The following LANCL2 variants were observed in gnomAD, a reference collection of about 807,000 sequenced individuals.
The protein encoded by LANCL2 is LanC like glutathione S-transferase 2, also known as lanC-like protein 2.
A neutral mutation model predicts 56.9 loss-of-function variants in LANCL2; 33 were observed. The observed-to-expected ratio is 0.58, with a 90% CI of 0.44 to 0.78. The LOEUF (loss-of-function observed/expected upper bound fraction) is 0.78, where lower values mean the gene tolerates loss of function less well. Ranked by LOEUF, LANCL2 falls within the 30% of genes least tolerant of loss-of-function variation. LANCL2 has a pLI of 0.00. For synonymous variants in LANCL2, 233 were observed against 228.2 expected (o/e 1.02, Z -0.19); for missense variants, 562 against 580.2 (o/e 0.97, Z 0.32).
Position 55,390,793 on chromosome 7 carries a change from A to G in LANCL2, c.205-1000A>G, listed in dbSNP as rs192036351. ...AAAACTGTCTCAAAAAAAAAAAATCAGCAAAGGTAGGAAAGATCTTAACAA... is the reference window on the plus strand; with the variant it reads ...AAAACTGTCTCAAAAAAAAAAAATCGGCAAAGGTAGGAAAGATCTTAACAA... On this transcript the variant is annotated intron_variant, in intron 1 of 8. Transcript: ENST00000254770. Among the ~76,000 whole-genome samples the G allele has an allele frequency of 3.1e-4, 46 of 150,620 alleles. 1 individual carries two copies. The East Asian group carries it at 8.6e-3, about 28-fold the overall frequency.
In LANCL2 at chr7:55,425,303, T is replaced by A; in HGVS notation, c.1058T>A (p.Val353Glu). 6.2e-7 allele frequency: 1 copy of A among 1,614,156 alleles called. No individual in the cohort carries two copies. The highest frequency in any genetic ancestry group is 1.1e-5 in the South Asian group (1 of 91,072). Reference sequence around the variant, plus strand: ...AAAGAGGCCATGGAGTGTAGCGATGTGATTTGGCAGCGAGGTTTGCTGCGG... The same window carrying A: ...AAAGAGGCCATGGAGTGTAGCGATGAGATTTGGCAGCGAGGTTTGCTGCGG... ...YLKEAMECSD[V>E]IWQRGLLRKG... Residue 353 changes from valine to glutamate, a missense_variant, in exon 7 of 9, where the codon GTG (valine) becomes GAG (glutamate). Around this residue, in one of 2 missense-constraint regions of LANCL2, gnomAD observed 378 missense variants for 468.4 expected, o/e 0.81. Transcript: ENST00000254770.
In LANCL2 at chr7:55,379,333, TTCTG is replaced by T. The variant is rs374402719; in HGVS notation, c.205-12456_205-12453del. 2.2e-4 allele frequency among the ~76,000 whole-genome samples: 33 copies of T among 152,280 alleles called. No homozygotes were observed. The East Asian group carries it at 6.2e-3, about 28-fold the overall frequency. Reference sequence around the variant, plus strand: ...CAGAAGGGGAGAAAAATTAGGGAAGTTCTGTCTTTTTTATCATGAAAAATAAGAA... The same window carrying T: ...CAGAAGGGGAGAAAAATTAGGGAAGTTCTTTTTTATCATGAAAAATAAGAA... On this transcript the variant is annotated intron_variant, in intron 1 of 8. Transcript: ENST00000254770.
chr7:55,399,874 T>C, intron 3 of LANCL2, 83 bp from the exon 4 acceptor site: 1 of 1,066,688 alleles, frequency 9.4e-7, no homozygotes, highest in Non-Finnish European at 1.3e-6. Context: ...TAATAGGTAA[T>C]TCCTAAAGCA....
chr7:55,425,460 G>C, intron 7 of LANCL2, 30 bp downstream of exon 7: 1 of 1,604,026 alleles, frequency 6.2e-7, no homozygotes, highest in Non-Finnish European at 8.5e-7. Context: ...AACTGCTTCT[G>C]AACAACCCCG....
At chr7:55,383,760 C>T (rs1198566083) in intron 1 of LANCL2, among the ~76,000 whole-genome samples, 1 of 152,190 alleles carries the variant, frequency 6.6e-6, no homozygotes, top group East Asian at 1.9e-4. Flanking sequence ...TCGCTTGAAC[C>T]TGGGAGGCAG....
chr7:55,374,711 A>G (rs1789981795), intron 1 of LANCL2, among the ~76,000 whole-genome samples: 1 of 152,250 alleles, frequency 6.6e-6, no homozygotes, highest in Admixed American at 6.5e-5. Context: ...CAAGTGAATT[A>G]GCCTAGGAGA....
intron 5 of LANCL2, among the ~76,000 whole-genome samples, chr7:55,407,014 C>T (rs1790415204): frequency 6.6e-6 from 1 of 152,144 alleles, no homozygotes; most frequent in African/African-American, 2.4e-5. Flanking sequence ...TGCCATGTCC[C>T]CAGTAGGCAT....
intron 1 of LANCL2, among the ~76,000 whole-genome samples, chr7:55,376,259 G>A (rs1024362052): frequency 3.9e-5 from 6 of 152,140 alleles, no homozygotes; most frequent in Non-Finnish European, 7.4e-5. Flanking sequence ...TTGTAAAATG[G>A]GGGTAATAGT....
At chr7:55,417,183 G>A (rs1790553324) in intron 6 of LANCL2, among the ~76,000 whole-genome samples, 1 of 151,900 alleles carries the variant, frequency 6.6e-6, no homozygotes, top group South Asian at 2.1e-4. Context: ...GTTTCACCGT[G>A]TTAGCCGGGA....
At chr7:55,368,993 T>C (rs776339131) in intron 1 of LANCL2, among the ~76,000 whole-genome samples, 4 of 151,984 alleles carry the variant, frequency 2.6e-5, no homozygotes, top group African/African-American at 9.7e-5. Flanking sequence ...TTAAAAAGAA[T>C]TGTAAAAGAG....
At chr7:55,422,323 C>T (rs920953593) in intron 6 of LANCL2, among the ~76,000 whole-genome samples, 20 of 151,506 alleles carry the variant, frequency 1.3e-4, no homozygotes, top group African/African-American at 4.8e-4. Flanking sequence ...TTTTTCTTTT[C>T]GGTGCTTTAA....
chr7:55,397,203 T>G (rs1790263554), intron 2 of LANCL2: 1 of 152,204 alleles, frequency 6.6e-6, no homozygotes, highest in African/African-American at 2.4e-5. Context: ...GGTTCACGCC[T>G]GTTAATCCCA....
chr7:55,427,549 A>G (rs1790677706), intron 7 of LANCL2, among the ~76,000 whole-genome samples: 2 of 152,242 alleles, frequency 1.3e-5, no homozygotes, highest in African/African-American at 2.4e-5. Context: ...AATTTAACGC[A>G]TGTTTTTAAA....
intron 5 of LANCL2, among the ~76,000 whole-genome samples, chr7:55,404,163 A>G (rs1420450906): frequency 6.6e-6 from 1 of 152,228 alleles, no homozygotes; most frequent in Non-Finnish European, 1.5e-5. Context: ...TGGCTTGAGC[A>G]TAAGCCTAGG....
chr7:55,405,135 G>A (rs1790390437), intron 5 of LANCL2, among the ~76,000 whole-genome samples: 1 of 152,212 alleles, frequency 6.6e-6, no homozygotes. Context: ...CTAAGACCTG[G>A]GAATGCCAGG....
In LANCL2 at chr7:55,400,092, A is replaced by C. The variant is rs377393518; in HGVS notation, c.666A>C (p.Ser222=). Reference sequence around the variant, plus strand: ...TAGGTCCAGGCACCGTGTGTGAGTCAGCTATTAAAGAGGTACTATGGGGTA... The same window carrying C: ...TAGGTCCAGGCACCGTGTGTGAGTCCGCTATTAAAGAGGTACTATGGGGTA... ...TEIGPGTVCE[S]AIKEVVNAII... Residue 222 remains serine (S), a synonymous_variant, in exon 4 of 9, where the codon TCA becomes TCC. Coordinates refer to ENST00000254770, the MANE Select transcript of LANCL2 (RefSeq NM_018697.4). 2.2e-5 allele frequency: 36 copies of C among 1,606,678 alleles called. No homozygotes were observed. Among genetic ancestry groups the C allele is most frequent in the Non-Finnish European group, 3.0e-5 (35 of 1,175,262 alleles).
chr7:55,380,612 A>G (rs980641156), intron 1 of LANCL2, among the ~76,000 whole-genome samples: 1 of 152,278 alleles, frequency 6.6e-6, no homozygotes. Flanking sequence ...ATTCTATCGA[A>G]TATGTTACAG....
At chr7:55,400,694 C>T (rs1790311268) in intron 4 of LANCL2, among the ~76,000 whole-genome samples, 1 of 152,160 alleles carries the variant, frequency 6.6e-6, no homozygotes, top group Non-Finnish European at 1.5e-5. Flanking sequence ...AGGAGATAGA[C>T]GTGAGGAAAC....
At chr7:55,384,895 T>G (rs1337938042) in intron 1 of LANCL2, among the ~76,000 whole-genome samples, 3 of 152,118 alleles carry the variant, frequency 2.0e-5, no homozygotes, top group African/African-American at 7.2e-5. Context: ...TAAAATAATT[T>G]GTTACAGCAG....
Sources: gnomAD v4.1 joint callset for allele counts (sites outside exome capture counted in the v4.1 genomes callset) on GRCh38, gnomAD v4.1.1 for gene constraint, gnomAD v4.1.1 regional missense constraint, MANE v1.5 for transcripts, NCBI Gene and HGNC (gene_info 2026-07-23, HGNC 2026-07-21) for gene names.